Variants in RREB1 observed in about 807,000 individuals in gnomAD.
RREB1 encodes the protein ras responsive element binding protein 1.
Under a neutral mutation model 117.8 loss-of-function variants are expected in RREB1, and 27 were observed. The ratio of observed to expected loss-of-function variants is 0.23; its 90% CI spans 0.17 to 0.32. The LOEUF (loss-of-function observed/expected upper bound fraction) is 0.32, where lower values mean the gene tolerates loss of function less well. Among genes scored for constraint, RREB1 ranks in the 10% least tolerant of loss-of-function variants. RREB1 has a pLI of 1.00. For synonymous variants in RREB1, 1,298 were observed against 1,026.7 expected, an observed-to-expected ratio of 1.26 and a Z score of -5.05; for missense variants, 2,577 against 2,378.2, an observed-to-expected ratio of 1.08 and a Z score of -1.74.
chr6:7,117,388 G>GGTTT, intron 1 of RREB1, among the ~76,000 whole-genome samples: 1 of 63,294 alleles, frequency 1.6e-5, no homozygotes, highest in South Asian at 7.6e-4. Flanking sequence ...TAGGTTTCCT[G>GGTTT]TTTTTTTTTT....
Position 7,206,079 on chromosome 6 carries a change from G to A in RREB1, c.426-4725G>A, listed in dbSNP as rs139733393. Among the ~76,000 whole-genome samples the A allele has an allele frequency of 7.0e-4, 106 of 152,286 alleles. 1 individual carries two copies. Among genetic ancestry groups the A allele is most frequent in the African/African-American group, 2.5e-3 (103 of 41,550 alleles). On this transcript the variant is annotated intron_variant, in intron 6 of 12. Transcript: ENST00000379938. ...AAATTCCTTCCTAAGACCACAGTGC[G>A]GTAGGATTCCTACTGTTAAAGTGTC... is the stretch of plus-strand genomic sequence containing the variant.
At chr6:7,232,150 C>G (rs1475171727) in intron 10 of RREB1, among the ~76,000 whole-genome samples, 1 of 152,196 alleles carries the variant, frequency 6.6e-6, no homozygotes, top group African/African-American at 2.4e-5. Context: ...AAGTGTTCAT[C>G]CGGGGCGTTT....
In RREB1 at chr6:7,195,964, A is replaced by G. The variant is rs374183483; in HGVS notation, c.425+6642A>G. On this transcript the variant is annotated intron_variant, in intron 6 of 12. Coordinates refer to ENST00000379938, the MANE Select transcript of RREB1 (RefSeq NM_001003699.4). ...CTGTAGCGTGGATTTCTGGAGTTTC[A>G]TTTCTCTGAAGGCTTGATTCCACAA... 1.4e-3 allele frequency among the ~76,000 whole-genome samples: 210 copies of G among 152,170 alleles called. 1 individual carries two copies. Among genetic ancestry groups the G allele is most frequent in the African/African-American group, 4.7e-3 (197 of 41,532 alleles).
intron 6 of RREB1, among the ~76,000 whole-genome samples, chr6:7,195,647 C>G (rs114346764): frequency 3.8e-4 from 58 of 152,304 alleles, no homozygotes; most frequent in African/African-American, 1.2e-3. Context: ...TCTTGTTTCC[C>G]TTCCGCTACC....
intron 1 of RREB1, among the ~76,000 whole-genome samples, chr6:7,157,967 A>G (rs1215079317): frequency 1.3e-5 from 2 of 151,704 alleles, no homozygotes; most frequent in Non-Finnish European, 2.9e-5. Context: ...GGGTGTTTTC[A>G]TGTTCTCATC....
At position 7,229,043 on chromosome 6, in the gene RREB1, GT is replaced by G; in HGVS notation, c.948del (p.Phe316LeufsTer95). The G allele has an allele frequency of 6.4e-7, 1 of 1,555,840 alleles. No homozygotes were observed. The highest frequency in any genetic ancestry group is 8.7e-7 in the Non-Finnish European group (1 of 1,145,708). On this transcript the variant is annotated frameshift_variant, in exon 10 of 13. Coordinates refer to ENST00000379938, the MANE Select transcript of RREB1 (RefSeq NM_001003699.4). LOFTEE classifies it high-confidence loss of function. The surrounding 1 kb of genome is among the most constrained non-coding windows in gnomAD (Gnocchi z 4.5). ...NLRRCISEQH[R>X]FVCDTCDKAF... is the part of the protein sequence containing the mutation. The stretch of plus-strand genomic sequence containing the variant: ...CGGAGGTGCATCAGCGAGCAACACC[GT>G]TTTGTCTGCGACACCTGTGACAAGG...
chr6:7,175,408 A>G (rs1037018513), intron 1 of RREB1, among the ~76,000 whole-genome samples: 4 of 152,102 alleles, frequency 2.6e-5, no homozygotes, highest in African/African-American at 9.7e-5. Context: ...GGGTCTCTGC[A>G]TTCCCTTCTG....
At chr6:7,174,059 C>CA (rs1288572275) in intron 1 of RREB1, among the ~76,000 whole-genome samples, 1 of 151,922 alleles carries the variant, frequency 6.6e-6, no homozygotes, top group Non-Finnish European at 1.5e-5. Context: ...AGTGCAAATC[C>CA]AGAAATTCAG....
At chr6:7,181,620 C>T (rs1764797857) in intron 3 of RREB1, 4 of 578,992 alleles carry the variant, frequency 6.9e-6, no homozygotes, top group Non-Finnish European at 1.2e-5. Flanking sequence ...ACCTGCCTCT[C>T]ATGAGTTTGA....
chr6:7,163,324 G>T (rs904989804), intron 1 of RREB1, among the ~76,000 whole-genome samples: 1 of 152,182 alleles, frequency 6.6e-6, no homozygotes, highest in Admixed American at 6.5e-5. Context: ...TCGTGGAAAT[G>T]TGTTAGTTCC....
At chr6:7,247,664 T>G (rs1380753032) in intron 12 of RREB1, among the ~76,000 whole-genome samples, 1 of 151,972 alleles carries the variant, frequency 6.6e-6, no homozygotes, top group East Asian at 1.9e-4. Context: ...TCCATTAGGG[T>G]CAGGAGGGCC....
intron 4 of RREB1, among the ~76,000 whole-genome samples, chr6:7,185,970 T>C (rs1561768517): frequency 6.6e-6 from 1 of 152,254 alleles, no homozygotes; most frequent in East Asian, 1.9e-4. Context: ...GCTTGTCTAT[T>C]AGTGGTTGTG....
intron 11 of RREB1, among the ~76,000 whole-genome samples, chr6:7,243,409 C>T (rs538108711): frequency 6.6e-6 from 1 of 152,284 alleles, no homozygotes; most frequent in African/African-American, 2.4e-5. Flanking sequence ...ACAACACAAA[C>T]CGAGGGACTG....
At chr6:7,201,869 C>G (rs750306060) in intron 6 of RREB1, among the ~76,000 whole-genome samples, 3 of 152,134 alleles carry the variant, frequency 2.0e-5, no homozygotes, top group Non-Finnish European at 4.4e-5. Flanking sequence ...TGGGGCCCTC[C>G]TCTCCAGTTT....
At chr6:7,138,537 T>A (rs986361182) in intron 1 of RREB1, among the ~76,000 whole-genome samples, 2 of 152,186 alleles carry the variant, frequency 1.3e-5, no homozygotes, top group African/African-American at 4.8e-5. Context: ...GTTTAGTCAT[T>A]GTAATCCAAG....
chr6:7,205,518 T>C (rs998626946), intron 6 of RREB1, among the ~76,000 whole-genome samples: 1 of 152,222 alleles, frequency 6.6e-6, no homozygotes, highest in Non-Finnish European at 1.5e-5. Flanking sequence ...TACACCATCT[T>C]TCCACCCAGA....
chr6:7,181,943 G>A lies in RREB1; in HGVS notation c.32G>A (p.Gly11Asp), dbSNP rs1423347044. 4 of 1,614,232 alleles carry A rather than the reference G, an allele frequency of 2.5e-6. No individual in the cohort carries two copies. The highest frequency in any genetic ancestry group is 1.7e-5 in the Admixed American group (1 of 60,030). ...TCAAGTTCGCCCGCTGGCTTGGAAG[G>A]TTCAGACCTATCTTCCATCAACACC... MTSSSPAGLE[G>D]SDLSSINTMM... Residue 11 changes from glycine (G) to aspartate (D), a missense_variant, in exon 4 of 13, where the codon GGT (glycine) becomes GAT (aspartate). Gly to Asp is a moderately conservative substitution (Grantham distance 94). Transcript: ENST00000379938.
intron 1 of RREB1, among the ~76,000 whole-genome samples, chr6:7,123,611 T>TTC (rs1761776083): frequency 3.4e-5 from 1 of 29,738 alleles, no homozygotes; most frequent in Non-Finnish European, 1.6e-4. Flanking sequence ...GTGATGTGTC[T>TTC]TTTTTTTTTT....
Position 7,141,244 on chromosome 6 carries a change from C to T in RREB1, c.-285+33184C>T, listed in dbSNP as rs1010516675. ...GCGGGCTGGCGGGGGCCGGGCGGGGCGGGGCTCGGTGTTCGTTCGCGCTGG... is the reference window on the plus strand; with the variant it reads ...GCGGGCTGGCGGGGGCCGGGCGGGGTGGGGCTCGGTGTTCGTTCGCGCTGG... On this transcript the variant is annotated intron_variant, in intron 1 of 12. Transcript: ENST00000379938. 1.1e-4 allele frequency among the ~76,000 whole-genome samples: 16 copies of T among 151,610 alleles called. No homozygotes were observed. The East Asian group carries it at 1.8e-3, about 17-fold the overall frequency.
Sources: allele counts gnomAD v4.1 joint callset (sites outside exome capture counted in the v4.1 genomes callset), GRCh38; gene constraint gnomAD v4.1.1; non-coding constraint Gnocchi (gnomAD v3.1); transcripts MANE v1.5; gene names NCBI Gene and HGNC (gene_info 2026-07-23, HGNC 2026-07-21).